GNAQ: variants seen among roughly 807,000 people sequenced by gnomAD.
GNAQ encodes guanine nucleotide-binding protein G(q) subunit alpha.
GNAQ carries 8 observed loss-of-function variants against 43.9 expected under a neutral mutation model. The ratio of observed to expected loss-of-function variants is 0.18; its 90% CI spans 0.11 to 0.33. The LOEUF (loss-of-function observed/expected upper bound fraction) is 0.33, where lower values mean the gene tolerates loss of function less well. Among genes scored for constraint, GNAQ ranks in the 10% least tolerant of loss-of-function variants. GNAQ has a pLI of 1.00. For synonymous variants in GNAQ, 155 were observed against 170.7 expected (o/e 0.91, Z 0.71); for missense variants, 158 against 450.8 (o/e 0.35, Z 5.88).
chr9:77,765,063 G>A (rs1221758696), intron 5 of GNAQ, among the ~76,000 whole-genome samples: 1 of 152,092 alleles, frequency 6.6e-6, no homozygotes, highest in African/African-American at 2.4e-5. Flanking sequence ...AGTACTTCAT[G>A]CCATAGTGAG....
intron 1 of GNAQ, among the ~76,000 whole-genome samples, chr9:78,023,869 G>C (rs1823942248): frequency 6.7e-6 from 1 of 149,994 alleles, no homozygotes; most frequent in South Asian, 2.1e-4. Flanking sequence ...GAGCCAAAAA[G>C]TCTGGCTAGA....
At chr9:77,876,148 G>T (rs553697872) in intron 2 of GNAQ, among the ~76,000 whole-genome samples, 50 of 152,260 alleles carry the variant, frequency 3.3e-4, no homozygotes, top group Admixed American at 7.8e-4. Flanking sequence ...AGCCCCTGAA[G>T]CAGAAAAAGA....
At chr9:77,739,127 T>C (rs1007519788) in intron 5 of GNAQ, among the ~76,000 whole-genome samples, 1 of 152,194 alleles carries the variant, frequency 6.6e-6, no homozygotes, top group Non-Finnish European at 1.5e-5. Flanking sequence ...TAGTGATGTG[T>C]GAACTTACTC....
intron 5 of GNAQ, among the ~76,000 whole-genome samples, chr9:77,762,738 T>C (rs1473800120): frequency 6.6e-6 from 1 of 152,114 alleles, no homozygotes; most frequent in Non-Finnish European, 1.5e-5. Flanking sequence ...AGACTTTTCA[T>C]TTTGTTCTGT....
chr9:77,864,070 G>A (rs1053293186), intron 2 of GNAQ, among the ~76,000 whole-genome samples: 1 of 152,064 alleles, frequency 6.6e-6, no homozygotes, highest in African/African-American at 2.4e-5. Context: ...TGCATCTGGG[G>A]AGGACCTCAG....
intron 2 of GNAQ, among the ~76,000 whole-genome samples, chr9:77,830,079 A>G (rs1398919643): frequency 6.6e-6 from 1 of 152,134 alleles, no homozygotes; most frequent in African/African-American, 2.4e-5. Context: ...TAGCCTTTCA[A>G]GTAGCTGGGA....
chr9:77,934,220 C>T (rs887252726), intron 1 of GNAQ, among the ~76,000 whole-genome samples: 3 of 151,712 alleles, frequency 2.0e-5, no homozygotes, highest in Non-Finnish European at 4.4e-5. Context: ...TGAGGATGAG[C>T]GAATTGGCCT....
At chr9:77,971,342 G>A (rs898059371) in intron 1 of GNAQ, among the ~76,000 whole-genome samples, 6 of 152,028 alleles carry the variant, frequency 3.9e-5, no homozygotes, top group Middle Eastern at 3.2e-3. Flanking sequence ...AGAATTTTAG[G>A]CCAATATCCC....
At chr9:77,934,868 TG>T (rs1181026578) in intron 1 of GNAQ, among the ~76,000 whole-genome samples, 1 of 152,210 alleles carries the variant, frequency 6.6e-6, no homozygotes, top group Non-Finnish European at 1.5e-5. Flanking sequence ...GGCTCACGCC[TG>T]TAATCCCAGC....
At chr9:77,905,764 A>G (rs1163411736) in intron 2 of GNAQ, among the ~76,000 whole-genome samples, 1 of 152,170 alleles carries the variant, frequency 6.6e-6, no homozygotes, top group African/African-American at 2.4e-5. Context: ...TTACGGAAAC[A>G]TTTGCTCTTC....
At chr9:78,024,263 G>A (rs73461715) in intron 1 of GNAQ, among the ~76,000 whole-genome samples, 92 of 152,226 alleles carry the variant, frequency 6.0e-4, no homozygotes, top group African/African-American at 2.0e-3. Flanking sequence ...TCTTTAAAAC[G>A]GAATTCCTTT....
chr9:77,872,739 T>C (rs2118033752), intron 2 of GNAQ, among the ~76,000 whole-genome samples: 1 of 152,008 alleles, frequency 6.6e-6, no homozygotes, highest in East Asian at 1.9e-4. Context: ...ACTCTCAGGG[T>C]TTCTGACTCC....
chr9:77,965,507 T>A (rs535353422), intron 1 of GNAQ, among the ~76,000 whole-genome samples: 31 of 151,192 alleles, frequency 2.1e-4, no homozygotes, highest in African/African-American at 5.8e-4. Flanking sequence ...ACAAAAAAAA[T>A]AAGAAATCAA....
chr9:77,857,921 A>G (rs1455900603), intron 2 of GNAQ, among the ~76,000 whole-genome samples: 1 of 150,894 alleles, frequency 6.6e-6, no homozygotes, highest in Non-Finnish European at 1.5e-5. Flanking sequence ...TTCACATAGC[A>G]TCAGGCTTCT....
chr9:77,769,188 G>A (rs1826180492), intron 5 of GNAQ, among the ~76,000 whole-genome samples: 1 of 152,112 alleles, frequency 6.6e-6, no homozygotes, highest in African/African-American at 2.4e-5. Context: ...ATTACTTGAG[G>A]TCAGGAGTTT....
chr9:77,961,124 A>G (rs561638173), intron 1 of GNAQ, among the ~76,000 whole-genome samples: 26 of 152,204 alleles, frequency 1.7e-4, no homozygotes, highest in Non-Finnish European at 3.1e-4. Context: ...AACCTAATGG[A>G]TATTACCAGA....
At chr9:77,828,115 CTGGTATGG>C (rs1827235117) in intron 2 of GNAQ, among the ~76,000 whole-genome samples, 1 of 111,928 alleles carries the variant, frequency 8.9e-6, no homozygotes, top group African/African-American at 3.4e-5. Flanking sequence ...GAAAACAGAG[CTGGTATGG>C]TGGTATGAGG....
At chr9:77,730,621 T>C (rs974012268) in intron 5 of GNAQ, among the ~76,000 whole-genome samples, 4 of 152,224 alleles carry the variant, frequency 2.6e-5, no homozygotes, top group Non-Finnish European at 5.9e-5. Context: ...ATAATTAAAA[T>C]TAATAAAATA....
At chr9:77,727,455 C>T (rs1271137380) in intron 6 of GNAQ, among the ~76,000 whole-genome samples, 4 of 152,148 alleles carry the variant, frequency 2.6e-5, no homozygotes, top group African/African-American at 9.7e-5. Flanking sequence ...TCCAGGATTT[C>T]ACAGTCTAGT....
Sources: allele counts gnomAD v4.1 joint callset (sites outside exome capture counted in the v4.1 genomes callset), GRCh38; gene constraint gnomAD v4.1.1; transcripts MANE v1.5; gene names NCBI Gene and HGNC (gene_info 2026-07-23, HGNC 2026-07-21).